TRIM33: variants seen among roughly 807,000 people sequenced by gnomAD.
TRIM33 encodes tripartite motif containing 33.
TRIM33 carries 20 observed loss-of-function variants against 125.4 expected under a neutral mutation model. The ratio of observed to expected loss-of-function variants is 0.16; its 90% confidence interval spans 0.11 to 0.23. The LOEUF (loss-of-function observed/expected upper bound fraction) is 0.23. Among genes scored for constraint, TRIM33 ranks in the 10% least tolerant of loss-of-function variants. TRIM33 has a pLI of 1.00. For synonymous variants in TRIM33, 564 were observed against 513.9 expected (o/e 1.10, Z -1.32); for missense variants, 920 against 1,411.4 (o/e 0.65, Z 5.58).
rs2101067933 is a variant in TRIM33, at chr1:114,395,676, T to A, written c.*1972A>T. The A allele has an allele frequency of 5.2e-6, 1 of 192,628 alleles. No individual in the cohort carries two copies. The highest frequency in any genetic ancestry group is 1.9e-4 in the South Asian group (1 of 5,166). The allele number at this position is 192,628 out of a possible 1,614,324, so 11.9% of individuals were successfully genotyped here. On this transcript the variant is annotated 3_prime_UTR_variant, in exon 20 of 20. Transcript: ENST00000358465. ...TTTTTAAATAATTTTCTCCCTCTTA[T>A]TAAAAAACATTTTTAGGAATTTAAA...
chr1:114,471,445 A>AT (rs1345187042), intron 1 of TRIM33, among the ~76,000 whole-genome samples: 2 of 147,838 alleles, frequency 1.4e-5, no homozygotes, highest in Non-Finnish European at 3.0e-5. Context: ...TTCTGTCTCA[A>AT]AAAAAAAAAA....
At chr1:114,421,336 A>G (rs12753838) in intron 11 of TRIM33, 100 bp downstream of exon 11, 1 of 1,125,492 alleles carries the variant, frequency 8.9e-7, no homozygotes, top group Non-Finnish European at 1.3e-6. Context: ...TTTCAAGGAA[A>G]TGTTGATCCT....
chr1:114,405,092 CTTACTACAGAA>C, intron 15 of TRIM33: 1 of 198,988 alleles, frequency 5.0e-6, no homozygotes. Flanking sequence ...ATTGCTCAAG[CTTACTACAGAA>C]TTAGAACCAG....
At chr1:114,403,333 AAC>A (rs1652023525) in intron 15 of TRIM33, among the ~76,000 whole-genome samples, 1 of 152,150 alleles carries the variant, frequency 6.6e-6, no homozygotes. Flanking sequence ...CAAAACCTAG[AAC>A]ACACAAACAC....
At chr1:114,479,808 C>CCGCCCCGTCCGGG (rs1651192562) in intron 1 of TRIM33, among the ~76,000 whole-genome samples, 1 of 147,668 alleles carries the variant, frequency 6.8e-6, no homozygotes, top group African/African-American at 2.5e-5. Flanking sequence ...CCCCATCCAG[C>CCGCCCCGTCCGGG]AGGGAGGTGG....
At chr1:114,439,468 C>CAAAAAA (rs59231995) in intron 4 of TRIM33, among the ~76,000 whole-genome samples, 2 of 45,974 alleles carry the variant, frequency 4.4e-5, no homozygotes, top group Admixed American at 3.3e-4. Flanking sequence ...GACTCTGTAT[C>CAAAAAA]AAAAAAAAAA....
At chr1:114,465,216 G>C (rs1036535499) in intron 1 of TRIM33, among the ~76,000 whole-genome samples, 3 of 152,186 alleles carry the variant, frequency 2.0e-5, no homozygotes, top group Non-Finnish European at 4.4e-5. Context: ...GGACTTATCA[G>C]AATGGATAAA....
chr1:114,410,996 T>C (rs1652546560), intron 11 of TRIM33, among the ~76,000 whole-genome samples: 1 of 152,194 alleles, frequency 6.6e-6, no homozygotes, highest in South Asian at 2.1e-4. Context: ...AGTATGAATA[T>C]TACCTTAAAT....
chr1:114,437,380 C>G (rs914441111), intron 4 of TRIM33, among the ~76,000 whole-genome samples: 2 of 152,156 alleles, frequency 1.3e-5, no homozygotes, highest in African/African-American at 4.8e-5. Flanking sequence ...CGCTCTGTTG[C>G]CAGGCTGGAG....
intron 1 of TRIM33, among the ~76,000 whole-genome samples, chr1:114,464,668 C>T (rs961093112): frequency 3.9e-5 from 6 of 152,078 alleles, no homozygotes; most frequent in Admixed American, 6.5e-5. Flanking sequence ...TCCTGATCTT[C>T]GGAAACTATG....
rs998683571 is a variant in TRIM33 at position 114,394,287 on chromosome 1, C to T, written c.*3361G>A. On this transcript the variant is annotated 3_prime_UTR_variant, in exon 20 of 20. Transcript: ENST00000358465. ...TACATGAATGGGGGTGGATATGGGA[C>T]GTAAAAGCCAAGGGAGACGGGGCCA... is the stretch of plus-strand genomic sequence containing the variant. 2 of 228,020 alleles carry T rather than the reference C, an allele frequency of 8.8e-6. No individual in the cohort carries two copies. Among genetic ancestry groups the T allele is most frequent in the African/African-American group, 2.2e-5 (1 of 44,982 alleles). 14.1% of individuals were successfully genotyped at this position (228,020 alleles called of 1,614,324 possible).
rs964983077 is a variant in TRIM33, at chr1:114,428,780, A to T, written c.1156-886T>A. Reference sequence around the variant, plus strand: ...ATAAGAACATATTACACTAGAAAACATCTATTTTAAATTTATCATCATGTT... The same window carrying T: ...ATAAGAACATATTACACTAGAAAACTTCTATTTTAAATTTATCATCATGTT... On this transcript the variant is annotated intron_variant, in intron 6 of 19. Coordinates refer to ENST00000358465, the MANE Select transcript of TRIM33 (RefSeq NM_015906.4). 3.3e-5 allele frequency among the ~76,000 whole-genome samples: 5 copies of T among 152,176 alleles called. No homozygotes were observed. In the South Asian group the frequency reaches 1.0e-3, roughly 31 times the overall value.
chr1:114,498,596 C>CCTCTGT (rs1652517990), intron 1 of TRIM33, among the ~76,000 whole-genome samples: 1 of 151,962 alleles, frequency 6.6e-6, no homozygotes, highest in South Asian at 2.1e-4. Context: ...TTGTAGTGAG[C>CCTCTGT]CATCCAGTCT....
chr1:114,424,324 A>AT (rs922861144), intron 10 of TRIM33, among the ~76,000 whole-genome samples: 1 of 152,054 alleles, frequency 6.6e-6, no homozygotes, highest in Non-Finnish European at 1.5e-5. Context: ...AGCTCATTAG[A>AT]TTTTTTTCAC....
intron 5 of TRIM33, among the ~76,000 whole-genome samples, chr1:114,432,906 T>C (rs1472936080): frequency 6.6e-6 from 1 of 152,220 alleles, no homozygotes; most frequent in Non-Finnish European, 1.5e-5. Flanking sequence ...AACTTTAATA[T>C]TCATTAGAAG....
At chr1:114,485,599 C>A (rs1003560090) in intron 1 of TRIM33, among the ~76,000 whole-genome samples, 17 of 152,206 alleles carry the variant, frequency 1.1e-4, no homozygotes, top group African/African-American at 3.9e-4. Context: ...TGAGTTGGTA[C>A]CCCACTTCAT....
chr1:114,424,477 G>T, intron 10 of TRIM33, 114 bp downstream of exon 10: 2 of 831,486 alleles, frequency 2.4e-6, no homozygotes, highest in Non-Finnish European at 3.6e-6. Flanking sequence ...AGGATATACA[G>T]CATTAATCAA....
At chr1:114,459,468 T>C (rs1214061779) in intron 4 of TRIM33, among the ~76,000 whole-genome samples, 1 of 152,204 alleles carries the variant, frequency 6.6e-6, no homozygotes, top group Non-Finnish European at 1.5e-5. Context: ...TGTTCATTTG[T>C]ATTCTTTAAA....
intron 1 of TRIM33, among the ~76,000 whole-genome samples, chr1:114,505,610 C>T (rs1220223875): frequency 6.6e-6 from 1 of 152,228 alleles, no homozygotes; most frequent in African/African-American, 2.4e-5. Flanking sequence ...CTCTGTCCCC[C>T]AGGCTGGAGT....
Sources: allele counts gnomAD v4.1 joint callset (sites outside exome capture counted in the v4.1 genomes callset), GRCh38; gene constraint gnomAD v4.1.1; transcripts MANE v1.5; gene names NCBI Gene and HGNC (gene_info 2026-07-23, HGNC 2026-07-21).